KCTD16: variants seen among roughly 807,000 people sequenced by gnomAD.
KCTD16 encodes the protein BTB/POZ domain-containing protein KCTD16.
In KCTD16, 13 loss-of-function variants were observed where a neutral mutation model predicts 33.2. The observed-to-expected ratio is 0.39, with a 90% confidence interval of 0.25 to 0.62. KCTD16 has a LOEUF of 0.62. Among genes scored for constraint, KCTD16 ranks in the 20% least tolerant of loss-of-function variants. The probability of loss-of-function intolerance (pLI) is 0.50; values close to 1 mark genes in which losing one functional copy is unlikely to be tolerated. For synonymous variants in KCTD16, 197 were observed against 195.3 expected (o/e 1.01, Z -0.07); for missense variants, 441 against 525.1 (o/e 0.84, Z 1.57).
chr5:144,347,410 C>G (rs1398562890), intron 3 of KCTD16, among the ~76,000 whole-genome samples: 1 of 152,168 alleles, frequency 6.6e-6, no homozygotes, highest in Non-Finnish European at 1.5e-5. Flanking sequence ...GCCTGGCCAA[C>G]ATGGTGAAAC....
chr5:144,430,771 A>C (rs1030091270), intron 3 of KCTD16, among the ~76,000 whole-genome samples: 14 of 151,504 alleles, frequency 9.2e-5, no homozygotes, highest in Non-Finnish European at 1.9e-4. Context: ...AAAGAGTGTG[A>C]GGATACTGAT....
chr5:144,455,031 C>T (rs1205122952), intron 3 of KCTD16, among the ~76,000 whole-genome samples: 2 of 151,942 alleles, frequency 1.3e-5, no homozygotes, highest in Non-Finnish European at 2.9e-5. Flanking sequence ...GGATCTTAAG[C>T]TTTGAAATAA....
At chr5:144,214,901 C>G (rs1753512249) in intron 3 of KCTD16, among the ~76,000 whole-genome samples, 1 of 152,046 alleles carries the variant, frequency 6.6e-6, no homozygotes, top group African/African-American at 2.4e-5. Context: ...TGATTCAGTG[C>G]CTGGAACAAA....
At chr5:144,423,535 G>A (rs1008757246) in intron 3 of KCTD16, among the ~76,000 whole-genome samples, 1 of 152,148 alleles carries the variant, frequency 6.6e-6, no homozygotes, top group Non-Finnish European at 1.5e-5. Flanking sequence ...TCATAACTGG[G>A]AAGGGGTTGC....
chr5:144,221,900 C>G (rs1161795070), intron 3 of KCTD16, among the ~76,000 whole-genome samples: 1 of 152,196 alleles, frequency 6.6e-6, no homozygotes, highest in Non-Finnish European at 1.5e-5. Context: ...AAAAGTGTTC[C>G]TATTTCTCCA....
intron 3 of KCTD16, among the ~76,000 whole-genome samples, chr5:144,290,322 A>G (rs1227536018): frequency 3.3e-5 from 5 of 152,066 alleles, no homozygotes; most frequent in Non-Finnish European, 1.5e-5. Context: ...AACAAACAAC[A>G]AAAAAACAGT....
chr5:144,255,173 T>C (rs140707923), intron 3 of KCTD16, among the ~76,000 whole-genome samples: 10 of 152,374 alleles, frequency 6.6e-5, no homozygotes, highest in African/African-American at 2.4e-4. Context: ...CTGAATAGCA[T>C]TTCATTACAT....
At chr5:144,198,748 T>C (rs765146666) in intron 2 of KCTD16, among the ~76,000 whole-genome samples, 20 of 152,174 alleles carry the variant, frequency 1.3e-4, no homozygotes, top group South Asian at 6.2e-4. Context: ...TTAGAAGCCC[T>C]GTTTTTAAAT....
chr5:144,244,550 A>C (rs1263755953), intron 3 of KCTD16, among the ~76,000 whole-genome samples: 2 of 152,206 alleles, frequency 1.3e-5, no homozygotes, highest in Non-Finnish European at 2.9e-5. Context: ...TCATTTTTGC[A>C]CTTCCATATC....
At chr5:144,333,178 C>G (rs757537044) in intron 3 of KCTD16, among the ~76,000 whole-genome samples, 12 of 152,220 alleles carry the variant, frequency 7.9e-5, no homozygotes, top group Admixed American at 1.3e-4. Context: ...TTTTGCTAAG[C>G]AATGACTTTT....
At chr5:144,290,319 A>T (rs541123534) in intron 3 of KCTD16, among the ~76,000 whole-genome samples, 2 of 152,068 alleles carry the variant, frequency 1.3e-5, no homozygotes, top group Non-Finnish European at 2.9e-5. Flanking sequence ...AAAAACAAAC[A>T]ACAAAAAAAC....
chr5:144,302,518 T>C (rs1331622402), intron 3 of KCTD16, among the ~76,000 whole-genome samples: 1 of 152,190 alleles, frequency 6.6e-6, no homozygotes, highest in East Asian at 1.9e-4. Flanking sequence ...CTTTTCTAGG[T>C]TGCAGCTTCA....
chr5:144,422,121 A>C (rs1266124562), intron 3 of KCTD16, among the ~76,000 whole-genome samples: 1 of 152,180 alleles, frequency 6.6e-6, no homozygotes, highest in Non-Finnish European at 1.5e-5. Flanking sequence ...AAAGCAGAGA[A>C]TGTAAAACTA....
chr5:144,341,749 T>C (rs985470500), intron 3 of KCTD16, among the ~76,000 whole-genome samples: 4 of 152,182 alleles, frequency 2.6e-5, no homozygotes, highest in Non-Finnish European at 5.9e-5. Flanking sequence ...GAGTTTGGAT[T>C]TGGGGGATCA....
chr5:144,361,948 GAT>G (rs1223505458), intron 3 of KCTD16, among the ~76,000 whole-genome samples: 3 of 139,142 alleles, frequency 2.2e-5, no homozygotes, highest in Non-Finnish European at 4.7e-5. Flanking sequence ...GTGTGTGTGT[GAT>G]ATATTTATCT....
chr5:144,340,647 G>A (rs1752609460), intron 3 of KCTD16, among the ~76,000 whole-genome samples: 1 of 151,996 alleles, frequency 6.6e-6, no homozygotes, highest in Non-Finnish European at 1.5e-5. Flanking sequence ...ATGTTATAAG[G>A]GTGGGATTAG....
At chr5:144,374,871 C>T (rs1752050144) in intron 3 of KCTD16, among the ~76,000 whole-genome samples, 1 of 152,078 alleles carries the variant, frequency 6.6e-6, no homozygotes. Flanking sequence ...AGGTTTGTTT[C>T]AGTTCCATTT....
intron 3 of KCTD16, among the ~76,000 whole-genome samples, chr5:144,383,656 A>G (rs141315673): frequency 6.6e-6 from 1 of 152,044 alleles, no homozygotes; most frequent in East Asian, 1.9e-4. Context: ...TTTCTTTTAC[A>G]AAAGCCCATG....
At chr5:144,172,804 T>C (rs1347635298) in intron 1 of KCTD16, among the ~76,000 whole-genome samples, 2 of 152,242 alleles carry the variant, frequency 1.3e-5, no homozygotes, top group Non-Finnish European at 2.9e-5. Flanking sequence ...AAGCTGTGTT[T>C]CGAGTCATCA....
Sources: allele counts gnomAD v4.1 joint callset (sites outside exome capture counted in the v4.1 genomes callset), GRCh38; gene constraint gnomAD v4.1.1; transcripts MANE v1.5; gene names NCBI Gene and HGNC (gene_info 2026-07-23, HGNC 2026-07-21).